FUT9: variants seen among roughly 807,000 people sequenced by gnomAD.
FUT9 encodes the protein 4-galactosyl-N-acetylglucosaminide 3-alpha-L-fucosyltransferase 9.
FUT9 carries 15 observed loss-of-function variants against 29.7 expected under a neutral mutation model. The observed-to-expected ratio is 0.51, with a 90% confidence interval of 0.34 to 0.78. The LOEUF is 0.78. Ranked by LOEUF, FUT9 falls within the 30% of genes least tolerant of loss-of-function variation. The pLI is 0.01. For missense variants in FUT9, 319 were observed against 425.4 expected (o/e 0.75, Z 2.20); for synonymous variants, 169 against 153.7 (o/e 1.10, Z -0.74).
intron 1 of FUT9, among the ~76,000 whole-genome samples, chr6:96,070,010 G>A (rs1033374357): frequency 6.6e-6 from 1 of 151,712 alleles, no homozygotes; most frequent in Non-Finnish European, 1.5e-5. Context: ...AATATAATGG[G>A]CACAATTCAT....
rs1773904219 is a variant in FUT9 at position 96,209,905 on chromosome 6, G to T, written c.*5670G>T. The T allele has an allele frequency of 6.0e-6, 1 of 166,600 alleles. No homozygotes were observed. Among genetic ancestry groups the T allele is most frequent in the Non-Finnish European group, 1.5e-5 (1 of 68,014 alleles). 10.3% of individuals were successfully genotyped at this position (166,600 alleles called of 1,614,324 possible). A position where few individuals can be genotyped will look rare whatever the true frequency, so the allele number is the denominator to read the frequency against. On this transcript the variant is annotated 3_prime_UTR_variant, in exon 3 of 3. Transcript: ENST00000302103. ...TGCCCCCCCGTCACCCAAAAAAAGA[G>T]CATGCTTTTAATACATTTCCAAAAT... is the stretch of plus-strand genomic sequence containing the variant.
chr6:96,088,854 G>A (rs1771365871), intron 1 of FUT9, among the ~76,000 whole-genome samples: 1 of 152,008 alleles, frequency 6.6e-6, no homozygotes, highest in Admixed American at 6.6e-5. Context: ...CATATATTGT[G>A]AATTTTACCT....
chr6:96,104,813 A>G (rs1379343314), intron 1 of FUT9, among the ~76,000 whole-genome samples: 1 of 152,200 alleles, frequency 6.6e-6, no homozygotes, highest in Admixed American at 6.5e-5. Flanking sequence ...TACAGGCATG[A>G]GCCACCGCGC....
At chr6:96,111,757 G>A (rs924015234) in intron 1 of FUT9, among the ~76,000 whole-genome samples, 1 of 151,954 alleles carries the variant, frequency 6.6e-6, no homozygotes, top group Non-Finnish European at 1.5e-5. Flanking sequence ...AGAAAACACT[G>A]GTACAATGAA....
intron 1 of FUT9, among the ~76,000 whole-genome samples, chr6:96,087,032 C>G (rs943469125): frequency 6.6e-6 from 1 of 152,068 alleles, no homozygotes; most frequent in South Asian, 2.1e-4. Flanking sequence ...AGGAGACAAA[C>G]GTTACGCATA....
chr6:96,071,155 T>C (rs1771051886), intron 1 of FUT9, among the ~76,000 whole-genome samples: 1 of 152,222 alleles, frequency 6.6e-6, no homozygotes, highest in Non-Finnish European at 1.5e-5. Flanking sequence ...ATTTCAGATG[T>C]AGTAGAGGAC....
chr6:96,171,525 T>G (rs1177481000), intron 2 of FUT9, among the ~76,000 whole-genome samples: 1 of 152,182 alleles, frequency 6.6e-6, no homozygotes, highest in Non-Finnish European at 1.5e-5. Flanking sequence ...ACGCTCTTCC[T>G]CCTCTTGTAA....
rs1258973669 is a variant in FUT9 at position 96,211,924 on chromosome 6, G to T, written c.*7689G>T. 2 of 406,934 alleles carry T rather than the reference G, an allele frequency of 4.9e-6. No homozygotes were observed. Among genetic ancestry groups the T allele is most frequent in the Non-Finnish European group, 9.0e-6 (2 of 222,344 alleles). The allele number at this position is 406,934 out of a possible 1,614,324, so 25.2% of individuals were successfully genotyped here. On this transcript the variant is annotated 3_prime_UTR_variant, in exon 3 of 3. Transcript: ENST00000302103. Reference sequence around the variant, plus strand: ...AACCAAACAATTTTGAATTAGTTGTGTAAGTAAAGTAAGTTAAGTTATAGC... The same window carrying T: ...AACCAAACAATTTTGAATTAGTTGTTTAAGTAAAGTAAGTTAAGTTATAGC...
intron 2 of FUT9, among the ~76,000 whole-genome samples, chr6:96,139,730 C>A (rs1425915836): frequency 6.6e-6 from 1 of 152,150 alleles, no homozygotes; most frequent in Admixed American, 6.5e-5. Context: ...TTGGAGCTTG[C>A]ACCCTCTGAA....
At chr6:96,129,156 TG>T (rs1267881918) in intron 2 of FUT9, among the ~76,000 whole-genome samples, 84 of 147,134 alleles carry the variant, frequency 5.7e-4, no homozygotes, top group African/African-American at 2.1e-3. Context: ...TCCCAGCTAC[TG>T]GGGAGGCTGA....
chr6:96,016,548 T>C (rs974642486), intron 1 of FUT9, among the ~76,000 whole-genome samples: 2 of 152,108 alleles, frequency 1.3e-5, no homozygotes, highest in African/African-American at 4.8e-5. Flanking sequence ...TGTCCCTGCG[T>C]TCCCACCTTA....
intron 1 of FUT9, among the ~76,000 whole-genome samples, chr6:96,044,050 T>C (rs1301130810): frequency 6.6e-6 from 1 of 152,202 alleles, no homozygotes; most frequent in Non-Finnish European, 1.5e-5. Context: ...AGTAACTGTA[T>C]TTACATGTGT....
intron 1 of FUT9, among the ~76,000 whole-genome samples, chr6:96,094,138 C>G (rs184343076): frequency 1.3e-5 from 2 of 152,208 alleles, no homozygotes; most frequent in Non-Finnish European, 2.9e-5. Flanking sequence ...TTTCAGTTAC[C>G]TGTGGTCCTC....
At chr6:96,098,640 A>G (rs1438005020) in intron 1 of FUT9, among the ~76,000 whole-genome samples, 1 of 152,136 alleles carries the variant, frequency 6.6e-6, no homozygotes, top group African/African-American at 2.4e-5. Context: ...CTTATGTGTC[A>G]TCAAATAGTT....
chr6:96,123,060 C>CAAAAAAAAAAA (rs56330234), intron 2 of FUT9, among the ~76,000 whole-genome samples: 1 of 64,970 alleles, frequency 1.5e-5, no homozygotes, highest in African/African-American at 6.9e-5. Context: ...GACTCAGTCT[C>CAAAAAAAAAAA]AAAAAAAAAA....
At chr6:96,192,521 A>G (rs948348546) in intron 2 of FUT9, among the ~76,000 whole-genome samples, 1 of 152,166 alleles carries the variant, frequency 6.6e-6, no homozygotes, top group Admixed American at 6.6e-5. Flanking sequence ...CTTCAAGGAC[A>G]ACTACAAACC....
At chr6:96,162,035 C>T (rs1360946876) in intron 2 of FUT9, among the ~76,000 whole-genome samples, 1 of 152,122 alleles carries the variant, frequency 6.6e-6, no homozygotes, top group Non-Finnish European at 1.5e-5. Flanking sequence ...ACCATTTCCT[C>T]TTTATTCCTT....
At chr6:96,071,207 C>A (rs1222290122) in intron 1 of FUT9, among the ~76,000 whole-genome samples, 1 of 152,124 alleles carries the variant, frequency 6.6e-6, no homozygotes, top group Admixed American at 6.5e-5. Flanking sequence ...GATGTGTCTG[C>A]AGTTGGAAAT....
chr6:96,135,830 A>T (rs192437469), intron 2 of FUT9, among the ~76,000 whole-genome samples: 3 of 151,852 alleles, frequency 2.0e-5, no homozygotes, highest in Non-Finnish European at 4.4e-5. Flanking sequence ...TTTTTTAAAA[A>T]TATAAAGTAG....
Sources: allele counts gnomAD v4.1 joint callset (sites outside exome capture counted in the v4.1 genomes callset), GRCh38; gene constraint gnomAD v4.1.1; transcripts MANE v1.5; gene names NCBI Gene and HGNC (gene_info 2026-07-23, HGNC 2026-07-21).